Variants in ZNF487 observed in about 807,000 individuals in gnomAD.
The protein encoded by ZNF487 is zinc finger protein 487, also known as KRAB domain only 1.
Under a neutral mutation model 3.0 loss-of-function variants are expected in ZNF487, and 4 were observed. That is an observed-to-expected ratio of 1.35 (90% CI 0.66 to 3.08). The LOEUF is 3.08. Ranked by LOEUF, ZNF487 falls within the 30% of genes most tolerant of loss-of-function variation. ZNF487 has a pLI of 0.01. For synonymous variants in ZNF487, 55 were observed against 34.6 expected (o/e 1.59, Z -2.06); for missense variants, 146 against 98.7 (o/e 1.48, Z -2.03).
chr10:43,465,900 T>C (rs1314796228), intron 1 of ZNF487, among the ~76,000 whole-genome samples: 1 of 152,112 alleles, frequency 6.6e-6, no homozygotes, highest in East Asian at 1.9e-4. Context: ...TGGGCACCAT[T>C]GAGCACTGAG....
intron 1 of ZNF487, among the ~76,000 whole-genome samples, chr10:43,447,194 GGGAGACCGTGGAAAGCGGGAGAC>G (rs1221573732): frequency 6.6e-6 from 1 of 152,090 alleles, no homozygotes; most frequent in Non-Finnish European, 1.5e-5. Flanking sequence ...GAGGGAGAGG[GGGAGACCGTGGAAAGCGGGAGAC>G]GGAGACGACG....
At chr10:43,439,929 A>G (rs758162371) in intron 1 of ZNF487, among the ~76,000 whole-genome samples, 2 of 152,134 alleles carry the variant, frequency 1.3e-5, no homozygotes, top group Non-Finnish European at 2.9e-5. Flanking sequence ...TAATGGGTAC[A>G]GAGTTTCAGA....
chr10:43,489,423 G>A, the ZNF487 span, among the ~76,000 whole-genome samples: 4 of 151,932 alleles, frequency 2.6e-5, no homozygotes, highest in Admixed American at 6.6e-5. Flanking sequence ...ATGTGATCTC[G>A]GCTCACTGCA....
chr10:43,475,843 A>C lies in ZNF487; in HGVS notation c.30A>C (p.Ser10=), dbSNP rs756486059. Residue 10 remains serine, a synonymous_variant, in exon 2 of 4, where the codon TCA becomes TCC. Coordinates refer to ENST00000437590, the MANE Select transcript of ZNF487 (RefSeq NM_001355444.3). The part of the protein sequence containing the change: MLENYSLLL[S]VGYCITKPEV... Reference sequence around the variant, plus strand: ...TGGAGAACTACAGCCTCCTCCTCTCAGTGGGTAAGGATTATGTAATTTGCA... The same window carrying C: ...TGGAGAACTACAGCCTCCTCCTCTCCGTGGGTAAGGATTATGTAATTTGCA... 2.3e-5 allele frequency: 18 copies of C among 776,560 alleles called. No individual in the cohort carries two copies. The African/African-American group carries it at 2.9e-4, about 12-fold the overall frequency. The allele number at this position is 776,560 out of a possible 1,614,324, so 48.1% of individuals were successfully genotyped here.
intron 3 of ZNF487, among the ~76,000 whole-genome samples, chr10:43,479,976 T>C (rs1468840232): frequency 2.3e-5 from 1 of 43,952 alleles, no homozygotes; most frequent in African/African-American, 5.5e-5. Context: ...CTTTCTTTTC[T>C]TTCTTTCCTT....
chr10:43,501,206 A>T, the ZNF487 span, among the ~76,000 whole-genome samples: 2,063 of 152,274 alleles, frequency 0.014, 37 homozygotes, highest in African/African-American at 0.046. Context: ...AATATAGTAT[A>T]AAAGATGAAA....
At chr10:43,475,208 C>T (rs993111865) in intron 1 of ZNF487, among the ~76,000 whole-genome samples, 3 of 152,110 alleles carry the variant, frequency 2.0e-5, no homozygotes, top group African/African-American at 7.2e-5. Context: ...AGCAGGACCT[C>T]GTATAATTTT....
chr10:43,441,034 A>ATTTTTT (rs763451709), intron 1 of ZNF487, among the ~76,000 whole-genome samples: 1,935 of 44,578 alleles, frequency 0.043, 473 homozygotes, highest in East Asian at 0.097. Flanking sequence ...ACCTGGTTAA[A>ATTTTTT]TTTTTTTTTT....
In ZNF487 at chr10:43,482,417, T is replaced by G. The variant is rs1841396382; in HGVS notation, c.*495T>G. 3 of 470,308 alleles carry G rather than the reference T, an allele frequency of 6.4e-6. No individual in the cohort carries two copies. Among genetic ancestry groups the G allele is most frequent in the African/African-American group, 4.0e-5 (2 of 50,202 alleles). The allele number at this position is 470,308 out of a possible 1,614,324, so 29.1% of individuals were successfully genotyped here. On this transcript the variant is annotated 3_prime_UTR_variant, in exon 4 of 4. Transcript: ENST00000437590. ...ACACAGAGGAGAGAAACCCTATGAA[T>G]GCACTGAATGTGGGAAAACTTTTGG...
At chr10:43,508,422 T>G in the ZNF487 span, among the ~76,000 whole-genome samples, 1 of 152,186 alleles carries the variant, frequency 6.6e-6, no homozygotes, top group East Asian at 1.9e-4. Context: ...TGTACCGTGG[T>G]GGACATGGAA....
chr10:43,444,805 T>A (rs891864484), intron 1 of ZNF487, among the ~76,000 whole-genome samples: 5 of 152,120 alleles, frequency 3.3e-5, no homozygotes. Flanking sequence ...AGAGCTGAAG[T>A]GATCCTCCTG....
At chr10:43,440,118 A>G (rs59399619) in intron 1 of ZNF487, among the ~76,000 whole-genome samples, 2 of 150,488 alleles carry the variant, frequency 1.3e-5, no homozygotes, top group Non-Finnish European at 3.0e-5. Context: ...GAGAGATCTC[A>G]GCTAACTGCA....
In ZNF487 at chr10:43,465,490, C is replaced by T. The variant is rs541077982; in HGVS notation, c.-93-10231C>T. ...CTCAGACGGGGCGGCCGGGCAGAGA[C>T]GCTCCTCACCTCCCAGACGGGGTCG... is the stretch of plus-strand genomic sequence containing the variant. On this transcript the variant is annotated intron_variant, in intron 1 of 3. Coordinates refer to ENST00000437590, the MANE Select transcript of ZNF487 (RefSeq NM_001355444.3). Among the ~76,000 whole-genome samples the T allele has an allele frequency of 2.4e-4, 36 of 151,204 alleles. No individual in the cohort carries two copies. In the South Asian group the frequency reaches 7.5e-3, roughly 32 times the overall value.
chr10:43,463,626 C>G (rs2132098945), intron 1 of ZNF487, among the ~76,000 whole-genome samples: 1 of 151,362 alleles, frequency 6.6e-6, no homozygotes, highest in South Asian at 2.1e-4. Flanking sequence ...ATCAAGTGAT[C>G]TTCCCATCCC....
At position 43,466,181 on chromosome 10, in the gene ZNF487, A is replaced by AGAGAGGGAGAGGGAGACTGTAGG. The variant is rs1554798617; in HGVS notation, c.-93-9524_-93-9523insCTGTAGGGAGAGGGAGAGGGAGA. 1.4e-4 allele frequency among the ~76,000 whole-genome samples: 19 copies of AGAGAGGGAGAGGGAGACTGTAGG among 135,482 alleles called. No individual in the cohort carries two copies. The East Asian group carries it at 1.4e-3, about 10-fold the overall frequency. 88.9% of individuals were successfully genotyped at this position (135,482 alleles called of 152,430 possible). A position where few individuals can be genotyped will look rare whatever the true frequency, so the allele number is the denominator to read the frequency against. On this transcript the variant is annotated intron_variant, in intron 1 of 3. Transcript: ENST00000437590. ...TCGGCATCAGAGGGAGACCGTGGAAAGAGAGGGAGAGGGAGAGGGAGCTGG... is the reference window on the plus strand; with the variant it reads ...TCGGCATCAGAGGGAGACCGTGGAAAGAGAGGGAGAGGGAGACTGTAGGGAGAGGGAGAGGGAGAGGGAGCTGG...
chr10:43,483,115 G>A lies in ZNF487; in HGVS notation c.*1193G>A, dbSNP rs568251394. The A allele has an allele frequency of 8.5e-5, 39 of 456,448 alleles. No homozygotes were observed. The East Asian group carries it at 2.4e-3, about 28-fold the overall frequency. 28.3% of individuals were successfully genotyped at this position (456,448 alleles called of 1,614,324 possible). A position where few individuals can be genotyped will look rare whatever the true frequency, so the allele number is the denominator to read the frequency against. On this transcript the variant is annotated 3_prime_UTR_variant, in exon 4 of 4. Transcript: ENST00000437590. ...CAGAAACCTTCACCTTCTTGGACTCGTTCCATAGCAGAAACAACCCAGGTT... is the reference window on the plus strand; with the variant it reads ...CAGAAACCTTCACCTTCTTGGACTCATTCCATAGCAGAAACAACCCAGGTT...
chr10:43,509,291 G>A, the ZNF487 span, among the ~76,000 whole-genome samples: 1 of 125,598 alleles, frequency 8.0e-6, no homozygotes, highest in African/African-American at 2.7e-5. Flanking sequence ...TGGAAAGCAT[G>A]AATGTGAATA....
chr10:43,448,489 G>A (rs1026744875), intron 1 of ZNF487, among the ~76,000 whole-genome samples: 7 of 152,002 alleles, frequency 4.6e-5, no homozygotes, highest in African/African-American at 1.7e-4. Flanking sequence ...ACCTGTGTGG[G>A]TCTATGTATA....
At position 43,450,977 on chromosome 10, in the gene ZNF487, C is replaced by T. The variant is rs772735284; in HGVS notation, c.-94+13715C>T. Among the ~76,000 whole-genome samples the T allele has an allele frequency of 1.6e-4, 25 of 151,770 alleles. No individual in the cohort carries two copies. In the South Asian group the frequency reaches 2.9e-3, roughly 18 times the overall value. On this transcript the variant is annotated intron_variant, in intron 1 of 3. Transcript: ENST00000437590. The stretch of plus-strand genomic sequence containing the variant: ...ATTATTATTTTTTGAGATGGAGTTT[C>T]GCTCTTGTTGCCCAGGCTGGAGTGC...
Sources: gnomAD v4.1 joint callset for allele counts (sites outside exome capture counted in the v4.1 genomes callset) on GRCh38, gnomAD v4.1.1 for gene constraint, MANE v1.5 for transcripts, NCBI Gene and HGNC (gene_info 2026-07-23, HGNC 2026-07-21) for gene names.